DOCK2: variants seen among roughly 807,000 people sequenced by gnomAD.
DOCK2 encodes the protein dedicator of cytokinesis 2.
A neutral mutation model predicts 248.9 loss-of-function variants in DOCK2; 87 were observed. The observed-to-expected ratio is 0.35, with a 90% CI of 0.29 to 0.42. The LOEUF is 0.42. Ranked by LOEUF, DOCK2 falls within the 10% of genes least tolerant of loss-of-function variation. DOCK2 has a pLI of 1.00. For missense variants in DOCK2, 1,747 were observed against 2,300.2 expected (o/e 0.76, Z 4.92); for synonymous variants, 805 against 821.6 (o/e 0.98, Z 0.35).
intron 27 of DOCK2, among the ~76,000 whole-genome samples, chr5:169,893,245 G>A (rs1773400152): frequency 6.6e-6 from 1 of 152,196 alleles, no homozygotes; most frequent in African/African-American, 2.4e-5. Context: ...ATTGGCTGCT[G>A]CTGCTGCTGC....
chr5:169,675,681 ACT>A, intron 6 of DOCK2, among the ~76,000 whole-genome samples: 1 of 152,298 alleles, frequency 6.6e-6, no homozygotes, highest in South Asian at 2.1e-4. Flanking sequence ...AGCATGGCAT[ACT>A]CAAGGAACTG....
At chr5:169,810,222 T>C (rs1561719624) in intron 26 of DOCK2, among the ~76,000 whole-genome samples, 1 of 152,232 alleles carries the variant, frequency 6.6e-6, no homozygotes, top group Admixed American at 6.5e-5. Context: ...CTTCTTTTCT[T>C]GTGCGCTGAG....
At chr5:169,865,512 C>T (rs1771491494) in intron 27 of DOCK2, among the ~76,000 whole-genome samples, 1 of 152,228 alleles carries the variant, frequency 6.6e-6, no homozygotes, top group South Asian at 2.1e-4. Context: ...TCCCTGTGGG[C>T]TGAGCACGGG....
chr5:170,055,364 C>A lies in DOCK2; in HGVS notation c.4273C>A (p.Pro1425Thr). Residue 1425 changes from proline (P) to threonine (T), a missense_variant, in exon 42 of 52, where the codon CCA becomes ACA. Around this residue, in one of 4 missense-constraint regions of DOCK2, gnomAD observed 513 missense variants for 586.1 expected, o/e 0.88. Coordinates refer to ENST00000520908, the MANE Select transcript of DOCK2 (RefSeq NM_004946.3). Reference sequence around the variant, plus strand: ...TGAACATCCCAGGTTCAAGAATAAGCCAGTGCCTGACCAGATTATAAAGTA... The same window carrying A: ...TGAACATCCCAGGTTCAAGAATAAGACAGTGCCTGACCAGATTATAAAGTA... ...LDEHPRFKNK[P>T]VPDQIINFYK... 1 of 1,614,048 alleles carries A rather than the reference C, an allele frequency of 6.2e-7. No individual in the cohort carries two copies. The highest frequency in any genetic ancestry group is 8.5e-7 in the Non-Finnish European group (1 of 1,179,906).
chr5:169,760,795 C>G (rs1173177393), intron 24 of DOCK2, among the ~76,000 whole-genome samples: 2 of 152,142 alleles, frequency 1.3e-5, no homozygotes, highest in African/African-American at 2.4e-5. Flanking sequence ...AGTCTGTTCC[C>G]ATTATATCCC....
At chr5:169,651,801 C>T (rs1757824028) in intron 1 of DOCK2, among the ~76,000 whole-genome samples, 1 of 152,148 alleles carries the variant, frequency 6.6e-6, no homozygotes, top group Non-Finnish European at 1.5e-5. Context: ...GGAGAGAAGC[C>T]TCAGCATCCC....
chr5:169,879,068 A>T (rs574752386), intron 27 of DOCK2, among the ~76,000 whole-genome samples: 1 of 152,330 alleles, frequency 6.6e-6, no homozygotes, highest in South Asian at 2.1e-4. Context: ...TGATAAGAGC[A>T]AGCAGCATAG....
chr5:169,816,769 C>T (rs758128499), intron 26 of DOCK2, among the ~76,000 whole-genome samples: 1 of 151,998 alleles, frequency 6.6e-6, no homozygotes, highest in African/African-American at 2.4e-5. Context: ...GCATGGACTG[C>T]GTAATCACAG....
rs1280806029 is a variant in DOCK2 at position 169,700,018 on chromosome 5, C to T, written c.1137C>T (p.Leu379=). 2 of 1,613,790 alleles carry T rather than the reference C, an allele frequency of 1.2e-6. No individual in the cohort carries two copies. Among genetic ancestry groups the T allele is most frequent in the Non-Finnish European group, 8.5e-7 (1 of 1,179,756 alleles). The change falls in exon 13 of 52, where the codon CTC becomes CTT. Residue 379 remains leucine, a synonymous_variant. Coordinates refer to ENST00000520908, the MANE Select transcript of DOCK2 (RefSeq NM_004946.3). ...CGGTGAGCTGTTCCTTTGCAGGCCT[C>T]TGGGTGACCATGAAGATGCTGGTGG... The part of the protein sequence containing the change: ...ASKGDSGGQG[L]WVTMKMLVGD...
At chr5:169,717,737 C>G (rs1403933846) in intron 21 of DOCK2, among the ~76,000 whole-genome samples, 1 of 152,126 alleles carries the variant, frequency 6.6e-6, no homozygotes, top group Non-Finnish European at 1.5e-5. Context: ...CTAGCGTGCT[C>G]TCATTTCTTG....
intron 30 of DOCK2, among the ~76,000 whole-genome samples, chr5:169,999,846 C>G (rs1754773122): frequency 6.6e-6 from 1 of 152,190 alleles, no homozygotes; most frequent in African/African-American, 2.4e-5. Context: ...CCTGTCTTGG[C>G]AGCCACTGAC....
At chr5:169,698,273 C>A in intron 10 of DOCK2, 101 bp from the exon 11 acceptor site, 1 of 1,189,454 alleles carries the variant, frequency 8.4e-7, no homozygotes, top group Non-Finnish European at 1.2e-6. Context: ...GACCCCCAGG[C>A]ATCCCAGGCT....
At chr5:169,924,066 C>T (rs1775312511) in intron 27 of DOCK2, among the ~76,000 whole-genome samples, 1 of 152,182 alleles carries the variant, frequency 6.6e-6, no homozygotes, top group South Asian at 2.1e-4. Context: ...CTTGTCTCCT[C>T]CTGCCACCCT....
At chr5:169,927,684 T>G (rs1156983385) in intron 27 of DOCK2, among the ~76,000 whole-genome samples, 3 of 152,270 alleles carry the variant, frequency 2.0e-5, no homozygotes, top group African/African-American at 7.2e-5. Flanking sequence ...TGGCACAATC[T>G]TGGCTCACTG....
Position 169,835,284 on chromosome 5 carries a change from C to G in DOCK2, c.2704-5473C>G, listed in dbSNP as rs1769498012. Among the ~76,000 whole-genome samples, 3 of 119,328 alleles carry G rather than the reference C, an allele frequency of 2.5e-5. No homozygotes were observed. The South Asian group carries it at 8.2e-4, about 33-fold the overall frequency. 78.3% of individuals were successfully genotyped at this position (119,328 alleles called of 152,430 possible). A position where few individuals can be genotyped will look rare whatever the true frequency, so the allele number is the denominator to read the frequency against. On this transcript the variant is annotated intron_variant, in intron 26 of 51. Coordinates refer to ENST00000520908, the MANE Select transcript of DOCK2 (RefSeq NM_004946.3). ...GGTTTTTTTTTTTTTTTTTTTGAGA[C>G]TGCTCTGTTGCCTAGGCTGGAGTGC...
intron 27 of DOCK2, among the ~76,000 whole-genome samples, chr5:169,897,605 C>T (rs573593658): frequency 6.6e-6 from 1 of 152,334 alleles, no homozygotes; most frequent in East Asian, 1.9e-4. Flanking sequence ...TTTCCAGAGA[C>T]AGAACCACAG....
At chr5:169,695,158 G>A (rs951327666) in intron 9 of DOCK2, 1 of 152,314 alleles carries the variant, frequency 6.6e-6, no homozygotes, top group Admixed American at 6.5e-5. Flanking sequence ...TTCCCCTGTG[G>A]CAGAGACAGT....
intron 25 of DOCK2, among the ~76,000 whole-genome samples, chr5:169,772,312 T>C (rs1352809987): frequency 6.6e-6 from 1 of 152,254 alleles, no homozygotes; most frequent in African/African-American, 2.4e-5. Context: ...CGGCTTGCAC[T>C]TTCTCAATTA....
At chr5:169,924,371 T>C (rs555981289) in intron 27 of DOCK2, among the ~76,000 whole-genome samples, 1 of 152,366 alleles carries the variant, frequency 6.6e-6, no homozygotes, top group South Asian at 2.1e-4. Flanking sequence ...GTCTAACCTC[T>C]TTTTAGTCAG....
Sources: gnomAD v4.1 joint callset for allele counts (sites outside exome capture counted in the v4.1 genomes callset) on GRCh38, gnomAD v4.1.1 for gene constraint, gnomAD v4.1.1 regional missense constraint, MANE v1.5 for transcripts, NCBI Gene and HGNC (gene_info 2026-07-23, HGNC 2026-07-21) for gene names.